The following GRM7 variants were observed in gnomAD, a reference collection of about 807,000 sequenced individuals.
GRM7 encodes the protein glutamate metabotropic receptor 7.
A neutral mutation model predicts 84.5 loss-of-function variants in GRM7; 35 were observed. That is an observed-to-expected ratio of 0.41 (90% CI 0.32 to 0.55). The LOEUF (loss-of-function observed/expected upper bound fraction) is 0.55. Ranked by LOEUF, GRM7 falls within the 20% of genes least tolerant of loss-of-function variation. GRM7 has a pLI of 0.19. For synonymous variants in GRM7, 487 were observed against 455.1 expected (o/e 1.07, Z -0.89); for missense variants, 1,003 against 1,194.6 (o/e 0.84, Z 2.36).
At chr3:7,733,559 T>C (rs1433916320) in intron 9 of GRM7, among the ~76,000 whole-genome samples, 1 of 152,182 alleles carries the variant, frequency 6.6e-6, no homozygotes, top group African/African-American at 2.4e-5. Flanking sequence ...CCTATCTGCC[T>C]AGCCATTTCT....
rs766631811 is a variant in GRM7, at chr3:7,486,656, G to C, written c.1515+24934G>C. Among the ~76,000 whole-genome samples the C allele has an allele frequency of 1.3e-4, 20 of 152,236 alleles. No homozygotes were observed. Among genetic ancestry groups the C allele is most frequent in the Non-Finnish European group, 2.5e-4 (17 of 68,048 alleles). ...CAGCACAAGACCCTCCCCAGAAGCA[G>C]AGCAGATGTTGGCACCATGCTTCTT... On this transcript the variant is annotated intron_variant, in intron 7 of 9. Transcript: ENST00000357716. This position sits in a 1 kb window ranked among gnomAD's most constrained non-coding sequence, Gnocchi z 5.5.
At chr3:7,216,430 A>C (rs1341315303) in intron 2 of GRM7, among the ~76,000 whole-genome samples, 1 of 152,204 alleles carries the variant, frequency 6.6e-6, no homozygotes, top group African/African-American at 2.4e-5. Context: ...ATATTTTATA[A>C]TTCTCATTTC....
In GRM7 at chr3:7,158,466, C is replaced by T. The variant is rs1218671026; in HGVS notation, c.736+11798C>T. 2.6e-5 allele frequency among the ~76,000 whole-genome samples: 4 copies of T among 152,068 alleles called. No individual in the cohort carries two copies. The South Asian group carries it at 6.2e-4, about 24-fold the overall frequency. ...GCCTGGTAAACCCTCCCCTTAGTGA[C>T]GCTTCTCCAGTATGTCCCCGTCTCC... is the stretch of plus-strand genomic sequence containing the variant. On this transcript the variant is annotated intron_variant, in intron 2 of 9. Coordinates refer to ENST00000357716, the MANE Select transcript of GRM7 (RefSeq NM_000844.4).
At chr3:7,463,174 A>T (rs979166291) in intron 7 of GRM7, among the ~76,000 whole-genome samples, 8 of 152,104 alleles carry the variant, frequency 5.3e-5, no homozygotes, top group Non-Finnish European at 1.2e-4. Flanking sequence ...TTATTGTAAG[A>T]TCCAGTGGAT....
chr3:7,652,371 G>A (rs1468300675), intron 8 of GRM7, among the ~76,000 whole-genome samples: 3 of 152,158 alleles, frequency 2.0e-5, no homozygotes, highest in African/African-American at 4.8e-5. Flanking sequence ...GAAAGAGAGG[G>A]CCACTTTGGG....
chr3:6,988,356 A>C lies in GRM7; in HGVS notation c.519+126449A>C, dbSNP rs538966956. 2.0e-3 allele frequency among the ~76,000 whole-genome samples: 297 copies of C among 151,758 alleles called. 17 individuals are homozygous for C. In the South Asian group the frequency reaches 0.06, roughly 31 times the overall value. ...TCATGGACCACTCTTTTGGGACTTC[A>C]CAGCTCATCTGTTGGGTGGCTCTCA... On this transcript the variant is annotated intron_variant, in intron 1 of 9. Coordinates refer to ENST00000357716, the MANE Select transcript of GRM7 (RefSeq NM_000844.4).
intron 9 of GRM7, among the ~76,000 whole-genome samples, chr3:7,732,149 C>T (rs1274153167): frequency 6.6e-6 from 1 of 152,054 alleles, no homozygotes; most frequent in African/African-American, 2.4e-5. Context: ...AGGTTCACGC[C>T]ATTCTCCTGC....
intron 8 of GRM7, among the ~76,000 whole-genome samples, chr3:7,591,021 A>G (rs532280478): frequency 1.3e-5 from 2 of 152,314 alleles, no homozygotes; most frequent in South Asian, 4.1e-4. Context: ...GGAAGAATGA[A>G]AGAAGGAATG....
chr3:7,709,101 G>A lies in GRM7; in HGVS notation c.2698+28806G>A, dbSNP rs535388406. Among the ~76,000 whole-genome samples, 14 of 151,934 alleles carry A rather than the reference G, an allele frequency of 9.2e-5. 2 individuals carry two copies. The South Asian group carries it at 2.9e-3, about 32-fold the overall frequency. On this transcript the variant is annotated intron_variant, in intron 9 of 9. Transcript: ENST00000357716. Reference sequence around the variant, plus strand: ...CTGAAAAAATCTCAACTTTTTTGTGGTTGTCCTATTTCACTTATTGAACCC... The same window carrying A: ...CTGAAAAAATCTCAACTTTTTTGTGATTGTCCTATTTCACTTATTGAACCC...
At position 7,550,563 on chromosome 3, in the gene GRM7, C is replaced by T. The variant is rs921279425; in HGVS notation, c.1516-27859C>T. Reference sequence around the variant, plus strand: ...TCCCTTTTCTTCTCTCTCTCTCTCTCTCTCTCTCTCTCTCTGTGTGTGTGT... The same window carrying T: ...TCCCTTTTCTTCTCTCTCTCTCTCTTTCTCTCTCTCTCTCTGTGTGTGTGT... On this transcript the variant is annotated intron_variant, in intron 7 of 9. Transcript: ENST00000357716. Among the ~76,000 whole-genome samples the T allele has an allele frequency of 5.0e-3, 477 of 95,010 alleles. 8 individuals carry two copies. The highest frequency in any genetic ancestry group is 0.015 in the African/African-American group (460 of 30,348). The allele number at this position is 95,010 out of a possible 152,430, so 62.3% of individuals were successfully genotyped here.
chr3:7,632,302 G>T (rs1340869610), intron 8 of GRM7, among the ~76,000 whole-genome samples: 1 of 152,184 alleles, frequency 6.6e-6, no homozygotes, highest in Non-Finnish European at 1.5e-5. Context: ...ATGGAATGGA[G>T]TGGGCATGAG....
chr3:7,055,731 C>T (rs556182485), intron 1 of GRM7, among the ~76,000 whole-genome samples: 55 of 151,906 alleles, frequency 3.6e-4, no homozygotes, highest in South Asian at 3.5e-3. Flanking sequence ...ATGTTTGCTA[C>T]GCTGATCCGA....
At chr3:7,036,123 A>T (rs1696377225) in intron 1 of GRM7, among the ~76,000 whole-genome samples, 1 of 152,222 alleles carries the variant, frequency 6.6e-6, no homozygotes, top group African/African-American at 2.4e-5. Context: ...TGAAGACTCC[A>T]AACCAATTGT....
intron 2 of GRM7, among the ~76,000 whole-genome samples, chr3:7,292,891 G>A (rs1167633205): frequency 3.3e-5 from 5 of 151,530 alleles, no homozygotes; most frequent in African/African-American, 1.2e-4. Flanking sequence ...AAAATTAGCC[G>A]GGCGTGGTGG....
rs1271925402 is a variant in GRM7 at position 7,486,303 on chromosome 3, T to C, written c.1515+24581T>C. On this transcript the variant is annotated intron_variant, in intron 7 of 9. Coordinates refer to ENST00000357716, the MANE Select transcript of GRM7 (RefSeq NM_000844.4). This position sits in a 1 kb window ranked among gnomAD's most constrained non-coding sequence, Gnocchi z 5.5. ...GTAATGATAATGGCGATGATGGTGATAAAAGGTAGGAAGACTATTTTATTT... is the reference window on the plus strand; with the variant it reads ...GTAATGATAATGGCGATGATGGTGACAAAAGGTAGGAAGACTATTTTATTT... Among the ~76,000 whole-genome samples, 4 of 152,180 alleles carry C rather than the reference T, an allele frequency of 2.6e-5. No homozygotes were observed. The highest frequency in any genetic ancestry group is 5.9e-5 in the Non-Finnish European group (4 of 68,020).
intron 2 of GRM7, among the ~76,000 whole-genome samples, chr3:7,261,750 G>A (rs190232987): frequency 6.6e-6 from 1 of 152,168 alleles, no homozygotes; most frequent in African/African-American, 2.4e-5. Flanking sequence ...TCCATACTTA[G>A]TAGTTCTTTC....
intron 8 of GRM7, among the ~76,000 whole-genome samples, chr3:7,588,961 C>T (rs924859753): frequency 1.3e-5 from 2 of 152,200 alleles, no homozygotes; most frequent in African/African-American, 4.8e-5. Flanking sequence ...GGCTAACAGA[C>T]CCAAAGCCCT....
Position 7,653,017 on chromosome 3 carries a change from C to T in GRM7, c.2452-27032C>T, listed in dbSNP as rs745568886. Among the ~76,000 whole-genome samples, 30 of 152,072 alleles carry T rather than the reference C, an allele frequency of 2.0e-4. 1 individual carries two copies. Among genetic ancestry groups the T allele is most frequent in the South Asian group, 1.7e-3 (8 of 4,812 alleles). ...CTGGAATGTCCTGCTTCCAGCTCCCCGCCTGGCTAACAATCTCACCGCCAC... is the reference window on the plus strand; with the variant it reads ...CTGGAATGTCCTGCTTCCAGCTCCCTGCCTGGCTAACAATCTCACCGCCAC... On this transcript the variant is annotated intron_variant, in intron 8 of 9. Coordinates refer to ENST00000357716, the MANE Select transcript of GRM7 (RefSeq NM_000844.4).
chr3:7,452,663 G>A lies in GRM7; in HGVS notation c.1231G>A (p.Val411Met). Residue 411 changes from valine to methionine, a missense_variant, in exon 6 of 10, where the codon GTG becomes ATG. Coordinates refer to ENST00000357716, the MANE Select transcript of GRM7 (RefSeq NM_000844.4). ...NYEQEGKVQF[V>M]IDAVYAMAHA... ...TGAGCAGGAGGGTAAAGTCCAGTTC[G>A]TGATTGACGCAGTCTATGCTATGGC... The A allele has an allele frequency of 1.2e-6, 2 of 1,613,444 alleles. No homozygotes were observed. Among genetic ancestry groups the A allele is most frequent in the Non-Finnish European group, 1.7e-6 (2 of 1,179,530 alleles).
Sources: allele counts gnomAD v4.1 joint callset (sites outside exome capture counted in the v4.1 genomes callset), GRCh38; gene constraint gnomAD v4.1.1; non-coding constraint Gnocchi (gnomAD v3.1); transcripts MANE v1.5; gene names NCBI Gene and HGNC (gene_info 2026-07-23, HGNC 2026-07-21).